Variants in GRIK1 observed in about 807,000 individuals in gnomAD.
GRIK1 encodes glutamate ionotropic receptor kainate type subunit 1.
Under a neutral mutation model 105.7 loss-of-function variants are expected in GRIK1, and 69 were observed. The observed-to-expected ratio is 0.65, with a 90% confidence interval of 0.54 to 0.80. GRIK1 has a LOEUF of 0.80. Among genes scored for constraint, GRIK1 ranks in the 30% least tolerant of loss-of-function variants. The pLI is 0.00. For missense variants in GRIK1, 1,109 were observed against 1,167.3 expected (o/e 0.95, Z 0.73); for synonymous variants, 438 against 431.3 (o/e 1.02, Z -0.19).
intron 1 of GRIK1, among the ~76,000 whole-genome samples, chr21:29,810,329 C>T (rs932178233): frequency 5.3e-5 from 8 of 151,632 alleles, no homozygotes; most frequent in African/African-American, 1.9e-4. Context: ...ATCACAGATT[C>T]ACAGATCACC....
intron 1 of GRIK1, among the ~76,000 whole-genome samples, chr21:29,792,150 G>A (rs2066436060): frequency 6.6e-6 from 1 of 151,964 alleles, no homozygotes; most frequent in African/African-American, 2.4e-5. Context: ...TCTATGTATT[G>A]TGTATATGTG....
At chr21:29,855,039 G>T (rs112288531) in intron 1 of GRIK1, among the ~76,000 whole-genome samples, 2,231 of 152,278 alleles carry the variant, frequency 0.015, 57 homozygotes, top group African/African-American at 0.051. Context: ...GCAAACCAGG[G>T]CATGAGCTGT....
intron 10 of GRIK1, among the ~76,000 whole-genome samples, chr21:29,589,700 C>T (rs1410454349): frequency 1.3e-5 from 2 of 152,040 alleles, no homozygotes; most frequent in Admixed American, 6.6e-5. Context: ...CTGGGACTAC[C>T]GGTGTGAGCC....
At chr21:29,659,751 G>A (rs768071015) in intron 4 of GRIK1, among the ~76,000 whole-genome samples, 12 of 152,154 alleles carry the variant, frequency 7.9e-5, no homozygotes, top group African/African-American at 1.9e-4. Context: ...ACCTGAGGTC[G>A]GGAGTTCAAG....
At chr21:29,586,253 T>G (rs573304035) in intron 12 of GRIK1, among the ~76,000 whole-genome samples, 8 of 152,336 alleles carry the variant, frequency 5.3e-5, no homozygotes, top group African/African-American at 1.9e-4. Context: ...ATCAAAACAT[T>G]CATTTCATAT....
intron 1 of GRIK1, among the ~76,000 whole-genome samples, chr21:29,927,119 A>T (rs1307739146): frequency 6.6e-6 from 1 of 152,204 alleles, no homozygotes; most frequent in Non-Finnish European, 1.5e-5. Flanking sequence ...CCACACCACC[A>T]GCACTCACAG....
At position 29,830,336 on chromosome 21, in the gene GRIK1, C is replaced by A. The variant is rs867906019; in HGVS notation, c.118+109047G>T. Among the ~76,000 whole-genome samples the A allele has an allele frequency of 3.3e-3, 458 of 137,282 alleles. 7 individuals are homozygous for A. Among genetic ancestry groups the A allele is most frequent in the African/African-American group, 0.011 (435 of 40,118 alleles). The allele number at this position is 137,282 out of a possible 152,430, so 90.1% of individuals were successfully genotyped here. On this transcript the variant is annotated intron_variant, in intron 1 of 17. Transcript: ENST00000327783. ...ACACACACACACACACACACACACA[C>A]ACACACACACACACACACACACACA...
intron 5 of GRIK1, among the ~76,000 whole-genome samples, chr21:29,652,567 A>G (rs1189555186): frequency 2.0e-5 from 3 of 152,340 alleles, no homozygotes; most frequent in South Asian, 4.1e-4. Flanking sequence ...GTTTTCTATT[A>G]CAGATGAGGC....
At chr21:29,704,733 A>C (rs2146782956) in intron 1 of GRIK1, among the ~76,000 whole-genome samples, 2 of 152,252 alleles carry the variant, frequency 1.3e-5, no homozygotes, top group South Asian at 4.1e-4. Context: ...CTGCCTTTTT[A>C]GCAGTGATTT....
chr21:29,761,454 G>A (rs2065516356), intron 1 of GRIK1: 1 of 151,940 alleles, frequency 6.6e-6, no homozygotes, highest in South Asian at 2.1e-4. Flanking sequence ...AGCTTAAGTA[G>A]AAATCTAATT....
intron 14 of GRIK1, among the ~76,000 whole-genome samples, chr21:29,576,750 G>C (rs1373395961): frequency 6.6e-6 from 1 of 152,010 alleles, no homozygotes; most frequent in Non-Finnish European, 1.5e-5. Context: ...TGGAGTAAAT[G>C]ACACCTAGTT....
intron 1 of GRIK1, among the ~76,000 whole-genome samples, chr21:29,776,447 T>C (rs1340533999): frequency 6.6e-6 from 1 of 152,208 alleles, no homozygotes; most frequent in Non-Finnish European, 1.5e-5. Context: ...AATGAAAAGA[T>C]TTGTAGAAAA....
intron 1 of GRIK1, among the ~76,000 whole-genome samples, chr21:29,727,220 T>A (rs2064491737): frequency 6.6e-6 from 1 of 152,188 alleles, no homozygotes; most frequent in Admixed American, 6.5e-5. Context: ...GCTACCGTGC[T>A]TGGCCTTGGA....
At chr21:29,547,325 A>G (rs910411457) in intron 16 of GRIK1, among the ~76,000 whole-genome samples, 1 of 152,264 alleles carries the variant, frequency 6.6e-6, no homozygotes, top group Non-Finnish European at 1.5e-5. Flanking sequence ...TCTGATGGCA[A>G]TAAGAATTTC....
At chr21:29,775,007 T>C (rs571983013) in intron 1 of GRIK1, among the ~76,000 whole-genome samples, 96 of 152,172 alleles carry the variant, frequency 6.3e-4, no homozygotes, top group Non-Finnish European at 3.2e-4. Flanking sequence ...GATTCTTTGC[T>C]TTTACTGCTA....
intron 4 of GRIK1, among the ~76,000 whole-genome samples, chr21:29,664,795 A>G (rs2063028565): frequency 6.6e-6 from 1 of 152,192 alleles, no homozygotes; most frequent in Non-Finnish European, 1.5e-5. Flanking sequence ...TTAACCTAGC[A>G]AAGTAATTTT....
chr21:29,633,372 G>A (rs975713328), intron 7 of GRIK1, among the ~76,000 whole-genome samples: 8 of 152,106 alleles, frequency 5.3e-5, no homozygotes, highest in African/African-American at 1.4e-4. Flanking sequence ...GGTGGCGCAC[G>A]CCTGTAGTCC....
intron 1 of GRIK1, among the ~76,000 whole-genome samples, chr21:29,755,724 T>C (rs960861376): frequency 6.6e-6 from 1 of 151,922 alleles, no homozygotes; most frequent in African/African-American, 2.4e-5. Flanking sequence ...AATCAAAAAA[T>C]AGGAAGAGCT....
At chr21:29,682,804 C>T (rs138689514) in intron 3 of GRIK1, among the ~76,000 whole-genome samples, 70 of 152,282 alleles carry the variant, frequency 4.6e-4, no homozygotes, top group African/African-American at 1.6e-3. Context: ...AACTAAAGAG[C>T]TTCTGCACAG....
Sources: allele counts gnomAD v4.1 joint callset (sites outside exome capture counted in the v4.1 genomes callset), GRCh38; gene constraint gnomAD v4.1.1; transcripts MANE v1.5; gene names NCBI Gene and HGNC (gene_info 2026-07-23, HGNC 2026-07-21).